Variants in RIT2 observed in about 807,000 individuals in gnomAD.
The protein encoded by RIT2 is GTP-binding protein Rit2.
A neutral mutation model predicts 23.7 loss-of-function variants in RIT2; 24 were observed. The ratio of observed to expected loss-of-function variants is 1.01; its 90% CI spans 0.73 to 1.43. RIT2 has a LOEUF of 1.43. Ranked by LOEUF, RIT2 falls within the 40% of genes most tolerant of loss-of-function variation. The probability of loss-of-function intolerance (pLI) is 0.00; values close to 1 mark genes in which losing one functional copy is unlikely to be tolerated. For missense variants in RIT2, 236 were observed against 266.9 expected, an observed-to-expected ratio of 0.88 and a Z score of 0.81; for synonymous variants, 107 against 91.1, an observed-to-expected ratio of 1.17 and a Z score of -0.99.
At chr18:42,779,057 T>C (rs1913744974) in intron 4 of RIT2, among the ~76,000 whole-genome samples, 1 of 152,188 alleles carries the variant, frequency 6.6e-6, no homozygotes, top group Non-Finnish European at 1.5e-5. Context: ...AGATCTTTTT[T>C]GATTCCAAAA....
intron 2 of RIT2, among the ~76,000 whole-genome samples, chr18:42,975,091 C>T (rs1481359708): frequency 6.6e-6 from 1 of 152,042 alleles, no homozygotes; most frequent in Non-Finnish European, 1.5e-5. Context: ...AGTGTATAAG[C>T]ATTCCCTTTT....
At chr18:42,915,104 G>A (rs895647796) in intron 4 of RIT2, among the ~76,000 whole-genome samples, 2 of 151,302 alleles carry the variant, frequency 1.3e-5, no homozygotes, top group African/African-American at 4.9e-5. Flanking sequence ...TGGATTTACA[G>A]TATTGTCTTG....
intron 4 of RIT2, among the ~76,000 whole-genome samples, chr18:42,747,224 G>A (rs1598638239): frequency 1.3e-5 from 2 of 151,884 alleles, no homozygotes; most frequent in East Asian, 1.9e-4. Flanking sequence ...TTATATACAC[G>A]AATCAGTAGC....
chr18:42,796,173 A>T (rs913700343), intron 4 of RIT2, among the ~76,000 whole-genome samples: 4 of 151,922 alleles, frequency 2.6e-5, no homozygotes, highest in African/African-American at 9.7e-5. Context: ...GAGCTGTAAC[A>T]CTCACGGCGA....
chr18:42,949,892 T>C (rs916649590), intron 3 of RIT2, among the ~76,000 whole-genome samples: 1 of 152,140 alleles, frequency 6.6e-6, no homozygotes, highest in Non-Finnish European at 1.5e-5. Context: ...TTGGATGTTA[T>C]GTACACAAGA....
chr18:42,900,440 G>A (rs1908445406), intron 4 of RIT2, among the ~76,000 whole-genome samples: 1 of 151,962 alleles, frequency 6.6e-6, no homozygotes, highest in South Asian at 2.1e-4. Context: ...CAAATAATTA[G>A]GTTTAGGATA....
intron 4 of RIT2, among the ~76,000 whole-genome samples, chr18:42,760,975 C>CA: frequency 6.6e-6 from 1 of 152,128 alleles, no homozygotes; most frequent in Non-Finnish European, 1.5e-5. Context: ...GTGGTGGATT[C>CA]TTCCTTTGGG....
chr18:42,906,529 T>G (rs1009591690), intron 4 of RIT2, among the ~76,000 whole-genome samples: 10 of 152,120 alleles, frequency 6.6e-5, no homozygotes, highest in Admixed American at 4.6e-4. Flanking sequence ...ATTCTTAATT[T>G]AAAAAGTAGC....
chr18:42,767,773 T>C (rs987154334), intron 4 of RIT2, among the ~76,000 whole-genome samples: 2 of 152,172 alleles, frequency 1.3e-5, no homozygotes, highest in Non-Finnish European at 2.9e-5. Context: ...GGTAATTGAA[T>C]CATGAAAGTC....
chr18:43,050,301 GA>G (rs1227639093), intron 1 of RIT2, among the ~76,000 whole-genome samples: 1 of 151,984 alleles, frequency 6.6e-6, no homozygotes, highest in Non-Finnish European at 1.5e-5. Context: ...AAAGCACTAG[GA>G]TTATAGGTGT....
chr18:42,954,507 T>G (rs918174386), intron 3 of RIT2, among the ~76,000 whole-genome samples: 1 of 152,040 alleles, frequency 6.6e-6, no homozygotes, highest in African/African-American at 2.4e-5. Context: ...GAGTAATCAA[T>G]TTGATCTAGT....
At chr18:42,893,118 C>G (rs191579888) in intron 4 of RIT2, among the ~76,000 whole-genome samples, 1 of 151,854 alleles carries the variant, frequency 6.6e-6, no homozygotes, top group East Asian at 1.9e-4. Context: ...ATACCAGCTA[C>G]TCAGGAGGCT....
At chr18:42,951,985 T>C (rs549757522) in intron 3 of RIT2, among the ~76,000 whole-genome samples, 153 of 152,186 alleles carry the variant, frequency 1.0e-3, no homozygotes, top group African/African-American at 3.4e-3. Context: ...AGGTGAGAGT[T>C]TGTGTAGGGG....
chr18:43,080,261 T>C (rs758233237), intron 1 of RIT2, among the ~76,000 whole-genome samples: 6 of 152,212 alleles, frequency 3.9e-5, no homozygotes, highest in Non-Finnish European at 5.9e-5. Context: ...GGCATTTTTC[T>C]TCCCATTCTA....
chr18:42,964,201 A>T (rs1910159402), intron 3 of RIT2, among the ~76,000 whole-genome samples: 1 of 151,856 alleles, frequency 6.6e-6, no homozygotes, highest in African/African-American at 2.4e-5. Flanking sequence ...AAAAAATAAT[A>T]ATAATAAATA....
At chr18:42,790,473 C>T (rs1914017301) in intron 4 of RIT2, among the ~76,000 whole-genome samples, 1 of 152,194 alleles carries the variant, frequency 6.6e-6, no homozygotes, top group South Asian at 2.1e-4. Flanking sequence ...GACGGAGTCT[C>T]ACTCTGTCGC....
intron 1 of RIT2, among the ~76,000 whole-genome samples, chr18:43,102,882 G>C (rs1182772849): frequency 6.6e-6 from 1 of 152,050 alleles, no homozygotes; most frequent in East Asian, 1.9e-4. Flanking sequence ...TCGGACTCCT[G>C]GCCTCAAGTG....
At chr18:43,095,090 C>T (rs1054330910) in intron 1 of RIT2, among the ~76,000 whole-genome samples, 1 of 152,034 alleles carries the variant, frequency 6.6e-6, no homozygotes, top group Non-Finnish European at 1.5e-5. Flanking sequence ...AATGGGATGG[C>T]TGGGTCAAAT....
intron 1 of RIT2, among the ~76,000 whole-genome samples, chr18:43,064,279 A>G (rs1912720313): frequency 3.3e-5 from 5 of 152,218 alleles, no homozygotes. Context: ...TATATAATAC[A>G]CTAATAAAAA....
Sources: allele counts gnomAD v4.1 joint callset (sites outside exome capture counted in the v4.1 genomes callset), GRCh38; gene constraint gnomAD v4.1.1; transcripts MANE v1.5; gene names NCBI Gene and HGNC (gene_info 2026-07-23, HGNC 2026-07-21).